The following PLCL1 variants were observed in gnomAD, a reference collection of about 807,000 sequenced individuals.
PLCL1 encodes the protein phospholipase C like 1 (inactive).
PLCL1 carries 41 observed loss-of-function variants against 84.4 expected under a neutral mutation model. The observed-to-expected ratio is 0.49, with a 90% CI of 0.38 to 0.63. The LOEUF (loss-of-function observed/expected upper bound fraction) is 0.63, where lower values mean the gene tolerates loss of function less well. Ranked by LOEUF, PLCL1 falls within the 30% of genes least tolerant of loss-of-function variation. The pLI is 0.00. For synonymous variants in PLCL1, 490 were observed against 488.3 expected, an observed-to-expected ratio of 1.00 and a Z score of -0.05; for missense variants, 1,206 against 1,367.8, an observed-to-expected ratio of 0.88 and a Z score of 1.87.
At position 197,847,061 on chromosome 2, in the gene PLCL1, AT is replaced by A. The variant is rs376744116; in HGVS notation, c.240+41726del. 6.0e-3 allele frequency among the ~76,000 whole-genome samples: 907 copies of A among 152,134 alleles called. 10 individuals carry two copies. Among genetic ancestry groups the A allele is most frequent in the African/African-American group, 0.021 (866 of 41,512 alleles). On this transcript the variant is annotated intron_variant, in intron 1 of 5. Coordinates refer to ENST00000428675, the MANE Select transcript of PLCL1 (RefSeq NM_006226.4). ...AATTCTCAAAACAGAACTCCAGTTTATTTTCTCAGTAGTCCCAGTGAGAAAA... is the reference window on the plus strand; with the variant it reads ...AATTCTCAAAACAGAACTCCAGTTTATTTCTCAGTAGTCCCAGTGAGAAAA...
intron 1 of PLCL1, among the ~76,000 whole-genome samples, chr2:198,080,414 A>G (rs1692681697): frequency 6.6e-6 from 1 of 152,206 alleles, no homozygotes; most frequent in Non-Finnish European, 1.5e-5. Context: ...TCAATCTGCC[A>G]AGATCTTCTT....
At chr2:197,978,199 G>A (rs373486059) in intron 1 of PLCL1, among the ~76,000 whole-genome samples, 1 of 152,324 alleles carries the variant, frequency 6.6e-6, no homozygotes, top group Non-Finnish European at 1.5e-5. Context: ...AGTTCAGGCC[G>A]GGTGTGGTGG....
At chr2:197,973,192 A>C (rs1469875007) in intron 1 of PLCL1, among the ~76,000 whole-genome samples, 1 of 152,166 alleles carries the variant, frequency 6.6e-6, no homozygotes, top group Admixed American at 6.5e-5. Flanking sequence ...ACAGTAGTGC[A>C]TGGAGGTATG....
intron 1 of PLCL1, among the ~76,000 whole-genome samples, chr2:197,888,416 G>A (rs1161191576): frequency 2.6e-5 from 4 of 152,136 alleles, no homozygotes; most frequent in Non-Finnish European, 5.9e-5. Context: ...GAAACATTAA[G>A]GGCTTATGAA....
chr2:198,137,182 A>G, intron 5 of PLCL1, among the ~76,000 whole-genome samples: 1 of 152,232 alleles, frequency 6.6e-6, no homozygotes, highest in East Asian at 1.9e-4. Context: ...GAGATTAAGA[A>G]AAACAACTCT....
intron 1 of PLCL1, among the ~76,000 whole-genome samples, chr2:197,857,588 A>G (rs1221761128): frequency 6.6e-6 from 1 of 152,196 alleles, no homozygotes; most frequent in Non-Finnish European, 1.5e-5. Flanking sequence ...AAGAGAAGAA[A>G]TCTGGTTTCC....
At chr2:197,881,118 C>T (rs1457048454) in intron 1 of PLCL1, among the ~76,000 whole-genome samples, 1 of 152,128 alleles carries the variant, frequency 6.6e-6, no homozygotes, top group Non-Finnish European at 1.5e-5. Flanking sequence ...TCTGTAGTAT[C>T]TCCTACTCCT....
chr2:198,131,401 T>C (rs1051068895), intron 5 of PLCL1, among the ~76,000 whole-genome samples: 7 of 152,210 alleles, frequency 4.6e-5, no homozygotes, highest in Admixed American at 6.5e-5. Context: ...TGCTTTTTTA[T>C]CTTTCACGAG....
At chr2:198,121,465 T>G in intron 5 of PLCL1, among the ~76,000 whole-genome samples, 1 of 152,054 alleles carries the variant, frequency 6.6e-6, no homozygotes, top group African/African-American at 2.4e-5. Flanking sequence ...ATTTAATTCA[T>G]TTTGATTTGA....
At chr2:197,947,316 G>A (rs1455727327) in intron 1 of PLCL1, among the ~76,000 whole-genome samples, 1 of 151,222 alleles carries the variant, frequency 6.6e-6, no homozygotes, top group Non-Finnish European at 1.5e-5. Context: ...GTGTACATCA[G>A]AGTTACTAGC....
At chr2:198,022,909 A>C (rs1041071827) in intron 1 of PLCL1, among the ~76,000 whole-genome samples, 17 of 152,222 alleles carry the variant, frequency 1.1e-4, no homozygotes, top group African/African-American at 4.1e-4. Flanking sequence ...TTTAAATTTC[A>C]TATGGAACCA....
chr2:197,896,218 A>G (rs1359825247), intron 1 of PLCL1, among the ~76,000 whole-genome samples: 1 of 152,046 alleles, frequency 6.6e-6, no homozygotes, highest in Admixed American at 6.6e-5. Context: ...TGTATAGATT[A>G]TTCTATCTAG....
At chr2:198,114,875 G>T (rs906337040) in intron 5 of PLCL1, among the ~76,000 whole-genome samples, 2 of 151,626 alleles carry the variant, frequency 1.3e-5, no homozygotes, top group African/African-American at 4.8e-5. Context: ...CACAGACATT[G>T]TCAAATAAAG....
chr2:198,038,207 TAC>T (rs571099551), intron 1 of PLCL1, among the ~76,000 whole-genome samples: 9 of 151,438 alleles, frequency 5.9e-5, no homozygotes, highest in Middle Eastern at 3.4e-3. Flanking sequence ...GCAAAGTGTG[TAC>T]ACACACACAC....
At chr2:197,844,924 T>A (rs1213126085) in intron 1 of PLCL1, among the ~76,000 whole-genome samples, 1 of 152,058 alleles carries the variant, frequency 6.6e-6, no homozygotes, top group East Asian at 1.9e-4. Flanking sequence ...AGAAGGAAGA[T>A]GAGAGATGGA....
intron 1 of PLCL1, among the ~76,000 whole-genome samples, chr2:197,968,224 T>C (rs1487226794): frequency 6.6e-6 from 1 of 152,178 alleles, no homozygotes; most frequent in Non-Finnish European, 1.5e-5. Flanking sequence ...TCTTTAATCT[T>C]CACTAGTAAA....
At chr2:197,915,513 CAGA>C (rs1688578444) in intron 1 of PLCL1, among the ~76,000 whole-genome samples, 1 of 151,098 alleles carries the variant, frequency 6.6e-6, no homozygotes, top group Admixed American at 6.6e-5. Context: ...TTTTACTCTT[CAGA>C]AGGAGATTTT....
intron 1 of PLCL1, among the ~76,000 whole-genome samples, chr2:197,992,672 G>A (rs1284820041): frequency 1.3e-5 from 2 of 152,062 alleles, no homozygotes; most frequent in Non-Finnish European, 2.9e-5. Flanking sequence ...CATACTGAAC[G>A]CTGAAACTGT....
At chr2:198,072,182 A>C (rs537121059) in intron 1 of PLCL1, among the ~76,000 whole-genome samples, 1 of 151,798 alleles carries the variant, frequency 6.6e-6, no homozygotes, top group Admixed American at 6.6e-5. Flanking sequence ...TAAGTTTTGC[A>C]CATATCTTGT....
Sources: gnomAD v4.1 joint callset for allele counts (sites outside exome capture counted in the v4.1 genomes callset) on GRCh38, gnomAD v4.1.1 for gene constraint, MANE v1.5 for transcripts, NCBI Gene and HGNC (gene_info 2026-07-23, HGNC 2026-07-21) for gene names.